NREP: variants seen among roughly 807,000 people sequenced by gnomAD.
The protein encoded by NREP is neuronal regeneration related protein.
A neutral mutation model predicts 8.6 loss-of-function variants in NREP; 5 were observed. The observed-to-expected ratio is 0.58, with a 90% CI of 0.30 to 1.22. NREP has a LOEUF of 1.22. Among genes scored for constraint, NREP ranks in the 50% most tolerant of loss-of-function variants. The pLI is 0.07. For missense variants in NREP, 86 were observed against 82.5 expected (o/e 1.04, Z -0.17); for synonymous variants, 27 against 28.0 (o/e 0.96, Z 0.11).
chr5:111,927,369 C>G (rs1055781097), intron 2 of NREP, among the ~76,000 whole-genome samples: 1 of 152,030 alleles, frequency 6.6e-6, no homozygotes, highest in Admixed American at 6.5e-5. Context: ...AAAAGAATGA[C>G]CAGTGTCCAT....
At chr5:111,767,820 C>T (rs549048128) in intron 2 of NREP, among the ~76,000 whole-genome samples, 44 of 152,092 alleles carry the variant, frequency 2.9e-4, no homozygotes, top group African/African-American at 1.0e-3. Context: ...CTTGTGCCGC[C>T]CTGCCTGGCT....
chr5:111,975,618 G>A (rs1756941198), intron 1 of NREP, among the ~76,000 whole-genome samples: 1 of 152,100 alleles, frequency 6.6e-6, no homozygotes, highest in Admixed American at 6.6e-5. Flanking sequence ...TAAAAAAGGT[G>A]TTTGACAAAG....
upstream of NREP, chr5:111,758,365 T>C (rs1182265047): frequency 1.6e-5 from 10 of 643,180 alleles, no homozygotes; most frequent in Non-Finnish European, 1.7e-5. Flanking sequence ...TTGTACTTTT[T>C]AAAATCGAGG....
At chr5:111,942,912 T>C (rs1189959802) in intron 2 of NREP, among the ~76,000 whole-genome samples, 1 of 152,026 alleles carries the variant, frequency 6.6e-6, no homozygotes, top group East Asian at 1.9e-4. Context: ...AGTAATTATA[T>C]TGTAAGGCTG....
intron 2 of NREP, among the ~76,000 whole-genome samples, chr5:111,754,185 C>T (rs1750557721): frequency 6.6e-6 from 1 of 152,166 alleles, no homozygotes; most frequent in Non-Finnish European, 1.5e-5. Context: ...AAAAAATTAA[C>T]ACGTAATAAT....
At chr5:111,948,484 C>T (rs1756052412) in intron 2 of NREP, among the ~76,000 whole-genome samples, 1 of 152,100 alleles carries the variant, frequency 6.6e-6, no homozygotes, top group African/African-American at 2.4e-5. Flanking sequence ...CAACTATCTA[C>T]AGGCTAGAAT....
At chr5:111,940,588 C>T (rs554688302) in intron 2 of NREP, among the ~76,000 whole-genome samples, 11 of 152,062 alleles carry the variant, frequency 7.2e-5, no homozygotes, top group Non-Finnish European at 1.5e-4. Context: ...CCACTCATCA[C>T]CCAACTACTC....
At chr5:111,931,745 C>T (rs185211231) in intron 2 of NREP, among the ~76,000 whole-genome samples, 1 of 152,262 alleles carries the variant, frequency 6.6e-6, no homozygotes, top group Admixed American at 6.5e-5. Flanking sequence ...ATAAAATGTT[C>T]TAAAAGATTG....
chr5:111,745,622 C>G (rs1279877293), intron 2 of NREP, among the ~76,000 whole-genome samples: 1 of 152,108 alleles, frequency 6.6e-6, no homozygotes, highest in Non-Finnish European at 1.5e-5. Flanking sequence ...CATTTGAAAT[C>G]CTGTTCACTA....
intron 2 of NREP, among the ~76,000 whole-genome samples, chr5:111,898,227 G>A (rs1754559567): frequency 1.3e-5 from 2 of 152,232 alleles, no homozygotes; most frequent in South Asian, 4.1e-4. Context: ...GTAGAAGCAG[G>A]AAAATATGGA....
intron 2 of NREP, among the ~76,000 whole-genome samples, chr5:111,916,127 A>T (rs1581215545): frequency 6.6e-6 from 1 of 152,130 alleles, no homozygotes; most frequent in Non-Finnish European, 1.5e-5. Context: ...CAGCTGATTC[A>T]TATCATATGA....
intron 2 of NREP, among the ~76,000 whole-genome samples, chr5:111,767,265 A>G (rs1377829555): frequency 1.3e-5 from 2 of 152,138 alleles, no homozygotes; most frequent in African/African-American, 4.8e-5. Flanking sequence ...AGTAATTTTC[A>G]CAAAATGTAC....
intron 2 of NREP, among the ~76,000 whole-genome samples, chr5:111,902,974 T>C (rs1266427892): frequency 6.6e-6 from 1 of 152,136 alleles, no homozygotes; most frequent in Non-Finnish European, 1.5e-5. Flanking sequence ...ATAGACTACA[T>C]GGGTGGTATT....
intron 2 of NREP, among the ~76,000 whole-genome samples, chr5:111,753,327 ATT>A (rs1351659200): frequency 1.2e-4 from 5 of 43,212 alleles, no homozygotes; most frequent in Middle Eastern, 0.025. Context: ...GCACAAGTTG[ATT>A]TTATATATAT....
At chr5:111,856,664 G>T (rs1234556659) in intron 2 of NREP, among the ~76,000 whole-genome samples, 3 of 151,842 alleles carry the variant, frequency 2.0e-5, no homozygotes, top group African/African-American at 4.8e-5. Context: ...AGTGCCTACT[G>T]GTACCCTAAA....
rs79971344 is a variant in NREP, at chr5:111,796,742, C to A, written c.136-61235G>T. On this transcript the variant is annotated intron_variant, in intron 2 of 3. Coordinates refer to the NREP transcript ENST00000395634. ...AATCAAACACTGATAATATAATGAC[C>A]ACTATAATTGCCTAATATTTTGGTC... 5.9e-3 allele frequency among the ~76,000 whole-genome samples: 903 copies of A among 152,174 alleles called. 14 individuals are homozygous for A. The highest frequency in any genetic ancestry group is 0.021 in the African/African-American group (862 of 41,524).
chr5:111,925,236 G>C (rs558743437), intron 2 of NREP, among the ~76,000 whole-genome samples: 13 of 145,716 alleles, frequency 8.9e-5, no homozygotes, highest in African/African-American at 3.2e-4. Context: ...AGTTCTGCTG[G>C]AGCATTTGGG....
intron 2 of NREP, among the ~76,000 whole-genome samples, chr5:111,769,363 G>A (rs1312800508): frequency 1.3e-5 from 2 of 152,180 alleles, no homozygotes; most frequent in African/African-American, 4.8e-5. Flanking sequence ...CAAGGCACAA[G>A]AAACAAATTA....
chr5:111,962,645 T>G (rs955385928), intron 2 of NREP, among the ~76,000 whole-genome samples: 6 of 152,204 alleles, frequency 3.9e-5, no homozygotes, highest in Non-Finnish European at 2.9e-5. Context: ...TGATTATTTC[T>G]GAATAATGTC....
Sources: allele counts gnomAD v4.1 joint callset (sites outside exome capture counted in the v4.1 genomes callset), GRCh38; gene constraint gnomAD v4.1.1; transcripts MANE v1.5; gene names NCBI Gene and HGNC (gene_info 2026-07-23, HGNC 2026-07-21).